DENND1A: variants seen among roughly 807,000 people sequenced by gnomAD.
DENND1A encodes DENN domain-containing protein 1A.
A neutral mutation model predicts 113.7 loss-of-function variants in DENND1A; 51 were observed. The ratio of observed to expected loss-of-function variants is 0.45; its 90% CI spans 0.36 to 0.57. DENND1A has a LOEUF of 0.57. DENND1A is among the 20% of genes least tolerant of loss of function. The pLI is 0.00. For synonymous variants in DENND1A, 565 were observed against 570.8 expected, an observed-to-expected ratio of 0.99 and a Z score of 0.14; for missense variants, 1,258 against 1,395.9, an observed-to-expected ratio of 0.90 and a Z score of 1.57.
At chr9:123,507,463 T>TA (rs1246753961) in intron 13 of DENND1A, among the ~76,000 whole-genome samples, 1 of 152,226 alleles carries the variant, frequency 6.6e-6, no homozygotes, top group Admixed American at 6.5e-5. Flanking sequence ...ATTAGGCAGT[T>TA]ATGTGCAAGG....
At chr9:123,707,305 A>T (rs1166624774) in intron 5 of DENND1A, among the ~76,000 whole-genome samples, 1 of 152,028 alleles carries the variant, frequency 6.6e-6, no homozygotes, top group Non-Finnish European at 1.5e-5. Flanking sequence ...GAGGCAGGAG[A>T]ATCACTTGAA....
At chr9:123,785,427 C>G (rs1223005447) in intron 3 of DENND1A, among the ~76,000 whole-genome samples, 1 of 151,998 alleles carries the variant, frequency 6.6e-6, no homozygotes, top group Non-Finnish European at 1.5e-5. Flanking sequence ...TGACATTTGT[C>G]CAAGGTGATA....
At chr9:123,616,460 T>C (rs1194110931) in intron 10 of DENND1A, among the ~76,000 whole-genome samples, 1 of 152,224 alleles carries the variant, frequency 6.6e-6, no homozygotes, top group African/African-American at 2.4e-5. Flanking sequence ...ATATTTGCCT[T>C]ACTAGCTGGA....
At chr9:123,626,731 A>G (rs1354464297) in intron 10 of DENND1A, among the ~76,000 whole-genome samples, 1 of 152,198 alleles carries the variant, frequency 6.6e-6, no homozygotes, top group Non-Finnish European at 1.5e-5. Context: ...CAGAAGCTCA[A>G]GCACAGGGAG....
At chr9:123,639,224 G>A (rs1429193781) in intron 9 of DENND1A, among the ~76,000 whole-genome samples, 2 of 151,790 alleles carry the variant, frequency 1.3e-5, no homozygotes, top group Non-Finnish European at 2.9e-5. Flanking sequence ...GATCACTTCA[G>A]GTCAGGAGTT....
chr9:123,457,995 T>C, intron 13 of DENND1A, 98 bp from the exon 14 acceptor site: 1 of 929,124 alleles, frequency 1.1e-6, no homozygotes, highest in Non-Finnish European at 1.6e-6. Context: ...TGCTATTTTT[T>C]TTCTTTTCCT....
chr9:123,841,733 G>A lies in DENND1A; in HGVS notation c.88+37218C>T, dbSNP rs189032502. Reference sequence around the variant, plus strand: ...GGTGGGTGGGGGAAGGTGAGAAAGAGGTTTAGGACAATGATAGTTGAGAAG... The same window carrying A: ...GGTGGGTGGGGGAAGGTGAGAAAGAAGTTTAGGACAATGATAGTTGAGAAG... On this transcript the variant is annotated intron_variant, in intron 2 of 23. Transcript: ENST00000394215. Among the ~76,000 whole-genome samples the A allele has an allele frequency of 6.6e-5, 10 of 152,206 alleles. No homozygotes were observed. The East Asian group carries it at 1.9e-3, about 29-fold the overall frequency.
At chr9:123,652,750 C>T (rs1341538215) in intron 8 of DENND1A, among the ~76,000 whole-genome samples, 1 of 152,144 alleles carries the variant, frequency 6.6e-6, no homozygotes. Context: ...TTTACAATTT[C>T]CAGGTATTTC....
chr9:123,495,764 C>T (rs1029599570), intron 13 of DENND1A, among the ~76,000 whole-genome samples: 1 of 152,192 alleles, frequency 6.6e-6, no homozygotes, highest in East Asian at 1.9e-4. Flanking sequence ...TCTTCATGGC[C>T]CATGACACGT....
intron 2 of DENND1A, among the ~76,000 whole-genome samples, chr9:123,800,940 A>T (rs1242507238): frequency 6.6e-6 from 1 of 152,190 alleles, no homozygotes; most frequent in East Asian, 1.9e-4. Flanking sequence ...TCTAAACCAC[A>T]ATGAGAACCC....
At chr9:123,904,172 G>C (rs901016931) in intron 1 of DENND1A, among the ~76,000 whole-genome samples, 39 of 152,290 alleles carry the variant, frequency 2.6e-4, no homozygotes, top group Middle Eastern at 3.4e-3. Flanking sequence ...CTGTCTGTTA[G>C]AAGGAAAACT....
intron 11 of DENND1A, among the ~76,000 whole-genome samples, chr9:123,603,030 T>A (rs975826437): frequency 2.0e-5 from 3 of 152,236 alleles, no homozygotes; most frequent in Admixed American, 1.3e-4. Context: ...GAATTTTGCA[T>A]CAATTGCAGC....
rs1275728554 is a variant in DENND1A, at chr9:123,847,772, C to T, written c.88+31179G>A. ...CAATATGGCAAAACCTTGTCTCTAC[C>T]GAAAATACAGAAATTAGCTGGGCGT... On this transcript the variant is annotated intron_variant, in intron 2 of 23. Transcript: ENST00000394215. Among the ~76,000 whole-genome samples, 5 of 152,042 alleles carry T rather than the reference C, an allele frequency of 3.3e-5. No individual in the cohort carries two copies. The East Asian group carries it at 5.8e-4, about 18-fold the overall frequency.
At position 123,671,302 on chromosome 9, in the gene DENND1A, G is replaced by A. The variant is rs768416831; in HGVS notation, c.442C>T (p.His148Tyr). Residue 148 changes from histidine to tyrosine, a missense_variant, in exon 7 of 24, where the codon CAT becomes TAT. His to Tyr is a moderately conservative substitution (Grantham distance 83). Transcript: ENST00000394215. ...TCCGCCCCACTTACCACGCTGAGAT[G>A]GACAGACACTCCTGGGTCAGGGATG... is the stretch of plus-strand genomic sequence containing the variant. The part of the protein sequence containing the change: ...LPIPDPGVSV[H>Y]LSVHSYFTVP... 139 of 1,613,938 alleles carry A rather than the reference G, an allele frequency of 8.6e-5. No individual in the cohort carries two copies. Among genetic ancestry groups the A allele is most frequent in the Non-Finnish European group, 1.2e-4 (137 of 1,180,006 alleles).
chr9:123,668,628 G>A (rs896946852), intron 7 of DENND1A, among the ~76,000 whole-genome samples: 2 of 152,162 alleles, frequency 1.3e-5, no homozygotes, highest in East Asian at 1.9e-4. Context: ...TTTCCACCAT[G>A]ACAGACTGTT....
chr9:123,911,784 G>C (rs976150135), intron 1 of DENND1A, among the ~76,000 whole-genome samples: 2 of 151,744 alleles, frequency 1.3e-5, no homozygotes, highest in African/African-American at 4.8e-5. Flanking sequence ...TCCGCCTCCT[G>C]GGTTCACGCC....
chr9:123,630,878 A>C (rs2061446479), intron 9 of DENND1A, among the ~76,000 whole-genome samples: 1 of 152,164 alleles, frequency 6.6e-6, no homozygotes, highest in African/African-American at 2.4e-5. Context: ...ATTTTCCTTT[A>C]AATATTCTTA....
chr9:123,833,721 C>A (rs1433976874), intron 2 of DENND1A, among the ~76,000 whole-genome samples: 1 of 150,936 alleles, frequency 6.6e-6, no homozygotes, highest in Non-Finnish European at 1.5e-5. Flanking sequence ...ACCTTTCAGA[C>A]TTTAGAAAGA....
intron 10 of DENND1A, among the ~76,000 whole-genome samples, chr9:123,619,405 C>CATTGATTG (rs200372771): frequency 3.3e-5 from 5 of 151,420 alleles, no homozygotes; most frequent in African/African-American, 1.2e-4. Flanking sequence ...TGTATACATA[C>CATTGATTG]ATTGATTGAC....
Sources: allele counts gnomAD v4.1 joint callset (sites outside exome capture counted in the v4.1 genomes callset), GRCh38; gene constraint gnomAD v4.1.1; transcripts MANE v1.5; gene names NCBI Gene and HGNC (gene_info 2026-07-23, HGNC 2026-07-21).